Variants in GMDS observed in about 807,000 individuals in gnomAD.
The protein encoded by GMDS is GDP-mannose 4,6 dehydratase.
Under a neutral mutation model 49.9 loss-of-function variants are expected in GMDS, and 20 were observed. That is an observed-to-expected ratio of 0.40 (90% CI 0.28 to 0.58). GMDS has a LOEUF of 0.58. Ranked by LOEUF, GMDS falls within the 20% of genes least tolerant of loss-of-function variation. The probability of loss-of-function intolerance (pLI) is 0.42; values close to 1 mark genes in which losing one functional copy is unlikely to be tolerated. For missense variants in GMDS, 362 were observed against 481.4 expected (o/e 0.75, Z 2.32); for synonymous variants, 177 against 178.6 (o/e 0.99, Z 0.07).
At chr6:1,819,198 G>A (rs1770788795) in intron 7 of GMDS, among the ~76,000 whole-genome samples, 2 of 151,988 alleles carry the variant, frequency 1.3e-5, no homozygotes, top group Admixed American at 1.3e-4. Context: ...CTTAGCAGTG[G>A]CCACACCTAA....
At chr6:1,639,291 A>G (rs1403684798) in intron 9 of GMDS, among the ~76,000 whole-genome samples, 1 of 152,216 alleles carries the variant, frequency 6.6e-6, no homozygotes. Context: ...GGATTAAGCT[A>G]CCTTCACAGT....
intron 4 of GMDS, among the ~76,000 whole-genome samples, chr6:1,969,060 G>T (rs1764434038): frequency 1.3e-5 from 2 of 151,934 alleles, no homozygotes; most frequent in South Asian, 2.1e-4. Context: ...AGGAGATCAA[G>T]ACCATCCTGG....
intron 4 of GMDS, among the ~76,000 whole-genome samples, chr6:2,052,116 C>CAAAAAAAAAAAAAAAA (rs1285013159): frequency 9.2e-4 from 40 of 43,568 alleles, no homozygotes; most frequent in African/African-American, 1.1e-3. Flanking sequence ...GACTCTGTCT[C>CAAAAAAAAAAAAAAAA]AAAAAAAAAA....
chr6:1,814,022 T>C (rs1399766416), intron 7 of GMDS, among the ~76,000 whole-genome samples: 1 of 152,250 alleles, frequency 6.6e-6, no homozygotes, highest in Non-Finnish European at 1.5e-5. Context: ...TGAAGTTCAG[T>C]GTTCTAAGGG....
At chr6:1,885,051 T>C (rs1457484819) in intron 7 of GMDS, among the ~76,000 whole-genome samples, 1 of 152,242 alleles carries the variant, frequency 6.6e-6, no homozygotes, top group East Asian at 1.9e-4. Flanking sequence ...TTAAGCAATC[T>C]GGCACCTCTC....
intron 4 of GMDS, among the ~76,000 whole-genome samples, chr6:2,085,807 G>GT (rs1300110414): frequency 6.6e-6 from 1 of 152,110 alleles, no homozygotes; most frequent in East Asian, 1.9e-4. Flanking sequence ...GATTACAGGC[G>GT]TGAGTCACCA....
rs1768359108 is a variant in GMDS at position 1,766,507 on chromosome 6, C to T, written c.772-23921G>A. On this transcript the variant is annotated intron_variant, in intron 7 of 10. Transcript: ENST00000380815. This position sits in a 1 kb window ranked among gnomAD's most constrained non-coding sequence, Gnocchi z 4.5. ...ATATTTATATATCTGCTATAACTCA[C>T]TTTCTAATGAACAAAGTCGCTTACT... Among the ~76,000 whole-genome samples, 8 of 152,244 alleles carry T rather than the reference C, an allele frequency of 5.3e-5. No homozygotes were observed. The South Asian group carries it at 1.7e-3, about 32-fold the overall frequency.
chr6:1,696,275 CT>C (rs1765337437), intron 9 of GMDS, among the ~76,000 whole-genome samples: 2 of 152,244 alleles, frequency 1.3e-5, no homozygotes, highest in Admixed American at 6.5e-5. Flanking sequence ...TGCAACAGAA[CT>C]TTTCCCGAAG....
chr6:2,028,031 C>T (rs754479419), intron 4 of GMDS, among the ~76,000 whole-genome samples: 5 of 152,014 alleles, frequency 3.3e-5, no homozygotes, highest in South Asian at 2.1e-4. Context: ...GAACTCTTGG[C>T]GAAAGCTACT....
At chr6:1,821,691 T>C (rs1228398496) in intron 7 of GMDS, among the ~76,000 whole-genome samples, 1 of 151,092 alleles carries the variant, frequency 6.6e-6, no homozygotes, top group Non-Finnish European at 1.5e-5. Context: ...GTGAATGATA[T>C]TTTGAAACTC....
At chr6:1,854,684 C>A (rs1001980472) in intron 7 of GMDS, among the ~76,000 whole-genome samples, 33 of 152,314 alleles carry the variant, frequency 2.2e-4, no homozygotes, top group African/African-American at 7.5e-4. Context: ...CCAGATGCTG[C>A]CTGCAGACTC....
At chr6:2,064,362 G>A (rs1581595584) in intron 4 of GMDS, among the ~76,000 whole-genome samples, 1 of 151,496 alleles carries the variant, frequency 6.6e-6, no homozygotes, top group Admixed American at 6.6e-5. Context: ...CCAATAGAAG[G>A]TTTACAAAAA....
At chr6:1,916,210 C>T (rs1271621463) in intron 7 of GMDS, among the ~76,000 whole-genome samples, 1 of 151,914 alleles carries the variant, frequency 6.6e-6, no homozygotes, top group East Asian at 1.9e-4. Flanking sequence ...AAAGGAAGAC[C>T]AGCAGCCACC....
intron 1 of GMDS, among the ~76,000 whole-genome samples, chr6:2,157,309 A>G (rs1304339255): frequency 6.6e-6 from 1 of 152,206 alleles, no homozygotes; most frequent in African/African-American, 2.4e-5. Flanking sequence ...ATAAGTTTCT[A>G]GAGACCTCCA....
intron 4 of GMDS, among the ~76,000 whole-genome samples, chr6:1,999,959 T>TTATATATATTATATATATATATTA (rs1766591126): frequency 0.073 from 898 of 12,368 alleles, 123 homozygotes; most frequent in Non-Finnish European, 0.11. Flanking sequence ...AATATGTATA[T>TTATATATATTATATATATATATTA]TATATATATA....
intron 4 of GMDS, among the ~76,000 whole-genome samples, chr6:2,031,313 T>A (rs1768948644): frequency 6.6e-6 from 1 of 152,168 alleles, no homozygotes; most frequent in Non-Finnish European, 1.5e-5. Context: ...GGAAATTCAC[T>A]CATTCAATCA....
At chr6:2,050,013 A>G (rs1425355943) in intron 4 of GMDS, among the ~76,000 whole-genome samples, 3 of 152,234 alleles carry the variant, frequency 2.0e-5, no homozygotes, top group Non-Finnish European at 2.9e-5. Flanking sequence ...GCAGAAAGCA[A>G]GAAATAACTA....
At chr6:1,749,189 T>C (rs1183248476) in intron 7 of GMDS, among the ~76,000 whole-genome samples, 1 of 152,220 alleles carries the variant, frequency 6.6e-6, no homozygotes, top group Non-Finnish European at 1.5e-5. Context: ...CCATGAATTG[T>C]AGGGCTGCCC....
At chr6:1,806,202 C>T (rs1462294126) in intron 7 of GMDS, among the ~76,000 whole-genome samples, 1 of 152,122 alleles carries the variant, frequency 6.6e-6, no homozygotes, top group African/African-American at 2.4e-5. Context: ...GTCCCTCATA[C>T]ATTGGAGGAA....
Sources: allele counts gnomAD v4.1 joint callset (sites outside exome capture counted in the v4.1 genomes callset), GRCh38; gene constraint gnomAD v4.1.1; non-coding constraint Gnocchi (gnomAD v3.1); transcripts MANE v1.5; gene names NCBI Gene and HGNC (gene_info 2026-07-23, HGNC 2026-07-21).